Variants in SH3RF2 observed in about 807,000 individuals in gnomAD.
The protein encoded by SH3RF2 is SH3 domain containing ring finger 2.
Under a neutral mutation model 59.0 loss-of-function variants are expected in SH3RF2, and 43 were observed. The observed-to-expected ratio is 0.73, with a 90% CI of 0.57 to 0.94. The LOEUF (loss-of-function observed/expected upper bound fraction) is 0.94. Ranked by LOEUF, SH3RF2 falls within the 40% of genes least tolerant of loss-of-function variation. The pLI is 0.00. For synonymous variants in SH3RF2, 391 were observed against 391.5 expected, an observed-to-expected ratio of 1.00 and a Z score of 0.01; for missense variants, 930 against 940.1, an observed-to-expected ratio of 0.99 and a Z score of 0.14.
intron 5 of SH3RF2, among the ~76,000 whole-genome samples, chr5:146,034,583 C>T (rs151208784): frequency 6.4e-4 from 97 of 152,228 alleles, no homozygotes; most frequent in African/African-American, 2.3e-3. Context: ...GACTTTGTGG[C>T]CACATTCTAA....
At chr5:146,001,257 T>C (rs1760396425) in intron 3 of SH3RF2, among the ~76,000 whole-genome samples, 1 of 152,240 alleles carries the variant, frequency 6.6e-6, no homozygotes, top group South Asian at 2.1e-4. Flanking sequence ...AAACCACAGT[T>C]GGAGTTATTT....
chr5:146,051,458 T>A (rs1430010998), intron 7 of SH3RF2, among the ~76,000 whole-genome samples: 2 of 152,122 alleles, frequency 1.3e-5, no homozygotes, highest in East Asian at 3.9e-4. Flanking sequence ...TGATGGTGAA[T>A]TGAACCGAAG....
At chr5:146,057,984 C>A (rs75243776) in intron 8 of SH3RF2, among the ~76,000 whole-genome samples, 49,279 of 144,974 alleles carry the variant, frequency 0.34, 8,950 homozygotes, top group Non-Finnish European at 0.39. Context: ...ATCTATCTAT[C>A]TATATATATA....
At position 146,014,074 on chromosome 5, in the gene SH3RF2, C is replaced by T. The variant is rs747596257; in HGVS notation, c.1059+13C>T. 16 of 1,610,202 alleles carry T rather than the reference C, an allele frequency of 9.9e-6. No homozygotes were observed. Among genetic ancestry groups the T allele is most frequent in the African/African-American group, 6.7e-5 (5 of 74,668 alleles). The stretch of plus-strand genomic sequence containing the variant: ...CTGTGTGGGACAGGTAGGGAAGAAA[C>T]GCCTGGGATGAGGGCACTTTGGAGT... On this transcript the variant is annotated intron_variant, in intron 5 of 9. Transcript: ENST00000359120.
At chr5:145,997,135 G>A (rs1254441952) in intron 2 of SH3RF2, 3 of 660,500 alleles carry the variant, frequency 4.5e-6, no homozygotes, top group East Asian at 2.6e-5. Flanking sequence ...TCATCACCCA[G>A]CAATGAATGA....
At chr5:146,031,136 C>G (rs1484395525) in intron 5 of SH3RF2, among the ~76,000 whole-genome samples, 3 of 152,164 alleles carry the variant, frequency 2.0e-5, no homozygotes, top group African/African-American at 7.2e-5. Context: ...CACTGGATGC[C>G]TGGGAGGACA....
chr5:145,997,663 C>T, intron 2 of SH3RF2: 1 of 1,564,152 alleles, frequency 6.4e-7, no homozygotes, highest in South Asian at 1.1e-5. Context: ...GTTTGCTACC[C>T]AGTTCAGTCA....
At chr5:146,050,993 G>T (rs1383768658) in intron 7 of SH3RF2, among the ~76,000 whole-genome samples, 1 of 152,202 alleles carries the variant, frequency 6.6e-6, no homozygotes, top group East Asian at 1.9e-4. Flanking sequence ...CTAACACTTT[G>T]GGAGGCTGAG....
chr5:145,955,391 T>C (rs1283271184), intron 2 of SH3RF2, among the ~76,000 whole-genome samples: 1 of 152,106 alleles, frequency 6.6e-6, no homozygotes, highest in Admixed American at 6.5e-5. Context: ...CAATAGACAC[T>C]GGGGACTACT....
At chr5:145,973,760 C>T (rs918973250) in intron 2 of SH3RF2, among the ~76,000 whole-genome samples, 2 of 151,990 alleles carry the variant, frequency 1.3e-5, no homozygotes, top group African/African-American at 2.4e-5. Flanking sequence ...ATATGGAAGT[C>T]GTTCTACTGC....
intron 9 of SH3RF2, among the ~76,000 whole-genome samples, chr5:146,075,325 G>A (rs780486304): frequency 7.2e-5 from 11 of 152,060 alleles, no homozygotes; most frequent in Admixed American, 2.0e-4. Flanking sequence ...ATCAAACATC[G>A]ACTTATTTAA....
chr5:145,996,929 A>G (rs1399764988), intron 2 of SH3RF2, among the ~76,000 whole-genome samples: 1 of 152,220 alleles, frequency 6.6e-6, no homozygotes, highest in Non-Finnish European at 1.5e-5. Context: ...GGCTGCCTAG[A>G]TTAAATGAGA....
chr5:146,064,342 A>T (rs372734401), downstream of SH3RF2, among the ~76,000 whole-genome samples: 28 of 152,024 alleles, frequency 1.8e-4, no homozygotes, highest in East Asian at 2.5e-3. Flanking sequence ...CCCCACTAAG[A>T]TGGAACTGAC....
At chr5:146,077,129 G>A (rs1190950270) in intron 9 of SH3RF2, among the ~76,000 whole-genome samples, 1 of 152,168 alleles carries the variant, frequency 6.6e-6, no homozygotes, top group Non-Finnish European at 1.5e-5. Context: ...GAAGGGCCAA[G>A]AGCCATGCAA....
downstream of SH3RF2, among the ~76,000 whole-genome samples, chr5:146,066,713 T>A (rs2962531): frequency 1.3e-5 from 2 of 152,268 alleles, no homozygotes; most frequent in Middle Eastern, 3.4e-3. Context: ...TGGGTTTAAA[T>A]GTAGCAATGG....
rs1762653943 is a variant in SH3RF2 at position 146,056,044 on chromosome 5, C to T, written c.1386C>T (p.Thr462=). 2.3e-5 allele frequency: 37 copies of T among 1,614,130 alleles called. No individual in the cohort carries two copies. The highest frequency in any genetic ancestry group is 3.1e-5 in the Non-Finnish European group (36 of 1,180,060). ...TCTACACCACATGGACGTTATCCACCTCCTCTGTGTCCTCCCAAGGCAGCA... is the reference window on the plus strand; with the variant it reads ...TCTACACCACATGGACGTTATCCACTTCCTCTGTGTCCTCCCAAGGCAGCA... ...PGLYTTWTLS[T]SSVSSQGSIS... The change falls in exon 8 of 10, where the codon ACC becomes ACT. Residue 462 remains threonine, a synonymous_variant. Transcript: ENST00000359120.
chr5:146,005,942 A>T (rs12520083), intron 4 of SH3RF2, among the ~76,000 whole-genome samples: 1 of 151,392 alleles, frequency 6.6e-6, no homozygotes, highest in Non-Finnish European at 1.5e-5. Context: ...AAAAATTTTT[A>T]AAGAGCAAAC....
At chr5:145,943,696 T>C (rs2149940390) in intron 2 of SH3RF2, among the ~76,000 whole-genome samples, 1 of 149,724 alleles carries the variant, frequency 6.7e-6, no homozygotes, top group South Asian at 2.1e-4. Context: ...CTTCAGTTTT[T>C]TGTTTTTGTT....
At position 146,000,074 on chromosome 5, in the gene SH3RF2, C is replaced by A; in HGVS notation, c.395C>A (p.Ala132Asp). ...CCATTGCAGGTGCCTCGAGCAAAGG[C>A]CTTATGCAACTACAGAGGGCAGAAT... ...IHMDGVPRAK[A>D]LCNYRGQNPG... Residue 132 changes from alanine to aspartate, a missense_variant, in exon 3 of 10, where the codon GCC (alanine) becomes GAC (aspartate). Coordinates refer to ENST00000359120, the MANE Select transcript of SH3RF2 (RefSeq NM_152550.4). 6.2e-7 allele frequency: 1 copy of A among 1,612,988 alleles called. No homozygotes were observed. The highest frequency in any genetic ancestry group is 8.5e-7 in the Non-Finnish European group (1 of 1,179,580).
Sources: gnomAD v4.1 joint callset for allele counts (sites outside exome capture counted in the v4.1 genomes callset) on GRCh38, gnomAD v4.1.1 for gene constraint, MANE v1.5 for transcripts, NCBI Gene and HGNC (gene_info 2026-07-23, HGNC 2026-07-21) for gene names.